The following CDON variants were observed in gnomAD, a reference collection of about 807,000 sequenced individuals.
The protein encoded by CDON is cell adhesion associated, oncogene regulated.
In CDON, 73 loss-of-function variants were observed where a neutral mutation model predicts 120.9. That is an observed-to-expected ratio of 0.60 (90% CI 0.50 to 0.73). The LOEUF is 0.73. Among genes scored for constraint, CDON ranks in the 30% least tolerant of loss-of-function variants. CDON has a pLI of 0.00. For synonymous variants in CDON, 566 were observed against 573.5 expected, an observed-to-expected ratio of 0.99 and a Z score of 0.19; for missense variants, 1,470 against 1,587.3, an observed-to-expected ratio of 0.93 and a Z score of 1.26.
At chr11:125,978,536 T>A (rs1381352069) in intron 17 of CDON, among the ~76,000 whole-genome samples, 153 bp from the exon 18 acceptor site, 2 of 152,238 alleles carry the variant, frequency 1.3e-5, no homozygotes, top group Non-Finnish European at 2.9e-5. Flanking sequence ...AGCAACGTCA[T>A]TGTGAATATC....
In CDON at chr11:126,018,492, G is replaced by A. The variant is rs762916750; in HGVS notation, c.497-19C>T. The A allele has an allele frequency of 5.6e-6, 9 of 1,611,350 alleles. No individual in the cohort carries two copies. In the Admixed American group the frequency reaches 1.3e-4, roughly 24 times the overall value. ...TAATTCTCTGAGGAAGGAAGGGAGT[G>A]CAGTTAGGCCTCTCCCTTTATGAAG... is the stretch of plus-strand genomic sequence containing the variant. On this transcript the variant is annotated intron_variant, in intron 4 of 19. Coordinates refer to ENST00000531738, the MANE Select transcript of CDON (RefSeq NM_001378964.1).
At chr11:126,045,526 T>C (rs1035305610) in intron 1 of CDON, among the ~76,000 whole-genome samples, 15 of 152,186 alleles carry the variant, frequency 9.9e-5, no homozygotes, top group African/African-American at 3.4e-4. Flanking sequence ...TTGAATTGTG[T>C]TGATTTTGGA....
intron 1 of CDON, among the ~76,000 whole-genome samples, chr11:126,047,548 C>G (rs1336493559): frequency 2.0e-5 from 3 of 152,172 alleles, no homozygotes; most frequent in African/African-American, 7.2e-5. Context: ...TCAAACAGAA[C>G]AACAGAACAG....
In CDON at chr11:125,997,326, C is replaced by T; in HGVS notation, c.2243G>A (p.Gly748Asp). The change falls in exon 12 of 20, where the codon GGT (glycine) becomes GAT (aspartate). Residue 748 changes from glycine to aspartate, a missense_variant. Transcript: ENST00000531738. The part of the protein sequence containing the change: ...YVTWIPRANG[G>D]SPITAFKVEY... ...GACTTTGAAGGCAGTGATTGGAGAA[C>T]CCCCGTTTGCCCGAGGAATCCAAGT... 1.2e-6 allele frequency: 2 copies of T among 1,613,970 alleles called. No individual in the cohort carries two copies. The highest frequency in any genetic ancestry group is 1.7e-6 in the Non-Finnish European group (2 of 1,179,888).
chr11:125,981,317 G>A lies in CDON; in HGVS notation c.3008C>T (p.Pro1003Leu). Reference sequence around the variant, plus strand: ...ATCTGATCCTTGGTAGAGATATCCTGGTGGGTCATATTCTGTTAAAAGAGA... The same window carrying A: ...ATCTGATCCTTGGTAGAGATATCCTAGTGGGTCATATTCTGTTAAAAGAGA... ...QQNTIQKYDP[P>L]GYLYQGSDMN... Residue 1003 changes from proline (P) to leucine (L), a missense_variant, in exon 17 of 20, where the codon CCA becomes CTA. Coordinates refer to ENST00000531738, the MANE Select transcript of CDON (RefSeq NM_001378964.1). 6.2e-7 allele frequency: 1 copy of A among 1,613,096 alleles called. No individual in the cohort carries two copies. The highest frequency in any genetic ancestry group is 8.5e-7 in the Non-Finnish European group (1 of 1,179,972).
intron 1 of CDON, among the ~76,000 whole-genome samples, chr11:126,050,495 A>AAC (rs10643446): frequency 0.16 from 22,269 of 142,902 alleles, 1,631 homozygotes; most frequent in Middle Eastern, 0.18. Flanking sequence ...GTAAGTAGCA[A>AAC]ACACACACAC....
rs1465637484 is a variant in CDON at position 126,019,477 on chromosome 11, A to C, written c.496+142T>G. 3.5e-6 allele frequency: 3 copies of C among 849,382 alleles called. No homozygotes were observed. In the Admixed American group the frequency reaches 6.3e-5, roughly 18 times the overall value. 52.6% of individuals were successfully genotyped at this position (849,382 alleles called of 1,614,324 possible). On this transcript the variant is annotated intron_variant, in intron 4 of 19. Coordinates refer to ENST00000531738, the MANE Select transcript of CDON (RefSeq NM_001378964.1). ...AGGGTATGGGGCCGTAATTATTTGT[A>C]TATTGTAACCATTTGTTTTAGTCCT...
intron 1 of CDON, among the ~76,000 whole-genome samples, chr11:126,060,845 G>A (rs1009056609): frequency 3.3e-5 from 5 of 152,188 alleles, no homozygotes; most frequent in Non-Finnish European, 7.3e-5. Context: ...CAAACCACCT[G>A]CAAAGAAAGC....
chr11:126,048,482 C>A (rs1209754028), intron 1 of CDON, among the ~76,000 whole-genome samples: 6 of 152,108 alleles, frequency 3.9e-5, no homozygotes, highest in African/African-American at 1.4e-4. Context: ...CTATTACAAT[C>A]ATCCAAATCA....
At chr11:126,020,128 C>T (rs898362185) in intron 3 of CDON, among the ~76,000 whole-genome samples, 5 of 152,112 alleles carry the variant, frequency 3.3e-5, no homozygotes, top group African/African-American at 1.2e-4. Context: ...ACCGAAGTCA[C>T]GGCACCCTTT....
At chr11:125,978,475 G>T in intron 17 of CDON, 92 bp from the exon 18 acceptor site, 1 of 803,776 alleles carries the variant, frequency 1.2e-6, no homozygotes, top group Non-Finnish European at 2.1e-6. Context: ...AAATACACAT[G>T]AGCCATGTCA....
At chr11:126,038,449 C>T (rs548977803) in intron 1 of CDON, among the ~76,000 whole-genome samples, 90 of 152,024 alleles carry the variant, frequency 5.9e-4, no homozygotes, top group Non-Finnish European at 1.1e-3. Context: ...GTCAGGAGTT[C>T]GAGACCAGCC....
At chr11:126,001,008 A>C (rs117637653) in intron 11 of CDON, among the ~76,000 whole-genome samples, 1 of 152,208 alleles carries the variant, frequency 6.6e-6, no homozygotes. Context: ...TTTAAAAACC[A>C]TAAGATTAAC....
chr11:126,012,034 G>A (rs1250535222), intron 7 of CDON, among the ~76,000 whole-genome samples: 1 of 152,148 alleles, frequency 6.6e-6, no homozygotes, highest in Non-Finnish European at 1.5e-5. Context: ...TGTTCCAAGA[G>A]TCTATCTGTT....
Position 125,981,174 on chromosome 11 carries a change from G to T in CDON, c.3151C>A (p.His1051Asn), listed in dbSNP as rs1443815141. The change falls in exon 17 of 20, where the codon CAT becomes AAT. Residue 1051 changes from histidine to asparagine, a missense_variant. His to Asn is a moderately conservative substitution (Grantham distance 68). Coordinates refer to ENST00000531738, the MANE Select transcript of CDON (RefSeq NM_001378964.1). ...CCATTGACTGCATTGGGGACCTTAT[G>T]GTGAAGGTGGGAATAGCCACTGCTG... is the stretch of plus-strand genomic sequence containing the variant. ...GLSSGYSHLH[H>N]KVPNAVNGIV... The T allele has an allele frequency of 6.2e-7, 1 of 1,614,138 alleles. No individual in the cohort carries two copies. The highest frequency in any genetic ancestry group is 8.5e-7 in the Non-Finnish European group (1 of 1,180,014).
rs765445038 is a variant in CDON, at chr11:126,019,779, G to A, written c.350-14C>T. 6.2e-7 allele frequency: 1 copy of A among 1,601,100 alleles called. No homozygotes were observed. Among genetic ancestry groups the A allele is most frequent in the Non-Finnish European group, 8.6e-7 (1 of 1,169,424 alleles). On this transcript the variant is annotated splice_polypyrimidine_tract_variant and intron_variant, in intron 3 of 19. Coordinates refer to ENST00000531738, the MANE Select transcript of CDON (RefSeq NM_001378964.1). ...AATCACCAAGAACTGAAATATATAAGGAAACAGATAAATAAATACATGCAA... is the reference window on the plus strand; with the variant it reads ...AATCACCAAGAACTGAAATATATAAAGAAACAGATAAATAAATACATGCAA...
Position 126,001,843 on chromosome 11 carries a change from T to C in CDON, c.2034A>G (p.Thr678=). 2.5e-6 allele frequency: 4 copies of C among 1,596,896 alleles called. No homozygotes were observed. Among genetic ancestry groups the C allele is most frequent in the Non-Finnish European group, 3.4e-6 (4 of 1,164,126 alleles). The change falls in exon 11 of 20, where the codon ACA becomes ACG. Residue 678 remains threonine, a synonymous_variant. Coordinates refer to ENST00000531738, the MANE Select transcript of CDON (RefSeq NM_001378964.1). ...MLTFRTSKEK[T]ASSKNTQASS... ...ATGCCTGGGTGTTTTTTGATGACGC[T>C]GTTTTTTCTAGAAAGGTAAATAAAC...
chr11:126,001,772 G>A lies in CDON; in HGVS notation c.2105C>T (p.Ala702Val). 1 of 1,612,986 alleles carries A rather than the reference G, an allele frequency of 6.2e-7. No homozygotes were observed. The change falls in exon 11 of 20, where the codon GCT becomes GTT. Residue 702 changes from alanine (A) to valine (V), a missense_variant. Ala to Val is a moderately conservative substitution (Grantham distance 64). Transcript: ENST00000531738. ...TACCACTCCAAAATTGTTGTTTGCA[G>A]CCTCTGAAACAACGGGATACTTAGG... ...GIPKYPVVSE[A>V]ANNNFGVVLT...
At chr11:126,046,628 C>T (rs535907126) in intron 1 of CDON, among the ~76,000 whole-genome samples, 14 of 152,264 alleles carry the variant, frequency 9.2e-5, no homozygotes, top group African/African-American at 2.6e-4. Flanking sequence ...TGTCATTTTC[C>T]GATTCTACAA....
Sources: allele counts gnomAD v4.1 joint callset (sites outside exome capture counted in the v4.1 genomes callset), GRCh38; gene constraint gnomAD v4.1.1; transcripts MANE v1.5; gene names NCBI Gene and HGNC (gene_info 2026-07-23, HGNC 2026-07-21).